The following GGA2 variants were observed in gnomAD, a reference collection of about 807,000 sequenced individuals.
GGA2 encodes the protein golgi associated, gamma adaptin ear containing, ARF binding protein 2.
GGA2 carries 48 observed loss-of-function variants against 79.5 expected under a neutral mutation model. The ratio of observed to expected loss-of-function variants is 0.60; its 90% CI spans 0.48 to 0.77. The LOEUF (loss-of-function observed/expected upper bound fraction) is 0.77. GGA2 is among the 30% of genes least tolerant of loss of function. The pLI is 0.00. For synonymous variants in GGA2, 317 were observed against 302.0 expected, an observed-to-expected ratio of 1.05 and a Z score of -0.51; for missense variants, 770 against 774.0, an observed-to-expected ratio of 0.99 and a Z score of 0.06.
intron 14 of GGA2, among the ~76,000 whole-genome samples, chr16:23,471,270 G>A (rs1964507810): frequency 6.6e-6 from 1 of 152,046 alleles, no homozygotes; most frequent in Non-Finnish European, 1.5e-5. Context: ...CAAAACTGTA[G>A]ATACCAAATC....
chr16:23,483,557 G>A (rs1238648600), intron 8 of GGA2, among the ~76,000 whole-genome samples: 3 of 152,186 alleles, frequency 2.0e-5, no homozygotes, highest in African/African-American at 7.2e-5. Flanking sequence ...CCTGCAGAAG[G>A]AGGTGGAGAA....
At chr16:23,520,075 C>T (rs1243396797) in intron 1 of GGA2, among the ~76,000 whole-genome samples, 1 of 151,940 alleles carries the variant, frequency 6.6e-6, no homozygotes, top group Non-Finnish European at 1.5e-5. Flanking sequence ...GGAGAAACCC[C>T]GTCTCTACTA....
intron 14 of GGA2, among the ~76,000 whole-genome samples, chr16:23,471,499 CTG>C (rs1434545979): frequency 6.6e-6 from 1 of 152,020 alleles, no homozygotes; most frequent in Non-Finnish European, 1.5e-5. Flanking sequence ...CTAAATGAGA[CTG>C]TAACATAACA....
intron 10 of GGA2, 111 bp from the exon 11 acceptor site, chr16:23,479,998 C>T: frequency 1.1e-6 from 1 of 951,106 alleles, no homozygotes; most frequent in South Asian, 1.6e-5. Context: ...GTAACGCCCT[C>T]CCTGCCCTTC....
chr16:23,491,804 A>G lies in GGA2; in HGVS notation c.352-4T>C, dbSNP rs376930163. On this transcript the variant is annotated splice_region_variant and splice_polypyrimidine_tract_variant and intron_variant, in intron 4 of 16. Coordinates refer to ENST00000309859, the MANE Select transcript of GGA2 (RefSeq NM_015044.4). ...CTGTGGCCCAGGACCCCAGGTACTG[A>G]AAGTAAAAAGGAAAGAGAATTCTAG... is the stretch of plus-strand genomic sequence containing the variant. The G allele has an allele frequency of 8.1e-6, 13 of 1,603,846 alleles. No individual in the cohort carries two copies. Among genetic ancestry groups the G allele is most frequent in the Admixed American group, 1.7e-5 (1 of 59,792 alleles).
rs983723930 is a variant in GGA2, at chr16:23,468,787, A to G, written c.1731+99T>C. ...CTGTGCCCAGCAAACCAGAGACTTT[A>G]GAGCAAGGCCTCAATGTGCCTCTCT... On this transcript the variant is annotated intron_variant, in intron 16 of 16. Transcript: ENST00000309859. 229 of 709,460 alleles carry G rather than the reference A, an allele frequency of 3.2e-4. 2 individuals are homozygous for G. The East Asian group carries it at 5.7e-3, about 18-fold the overall frequency. The allele number at this position is 709,460 out of a possible 1,614,324, so 43.9% of individuals were successfully genotyped here.
chr16:23,511,775 T>G (rs866858253), upstream of GGA2, among the ~76,000 whole-genome samples: 2 of 152,292 alleles, frequency 1.3e-5, no homozygotes, highest in African/African-American at 4.8e-5. Flanking sequence ...AAATATTTTA[T>G]TTAATTACAT....
rs1345460909 is a variant in GGA2 at position 23,510,340 on chromosome 16, C to A, written c.72G>T (p.Ala24=). ...ACTCACTGAGCCACAGCTCCAGCGA[C>A]GCTGCCGGGCCCGGGGGACCCTGGG... ...ESAQGPPGPA[A]SLELWLNKAT... Residue 24 remains alanine (A), a synonymous_variant, in exon 1 of 17, where the codon GCG becomes GCT. Transcript: ENST00000309859. The A allele has an allele frequency of 5.8e-5, 83 of 1,435,954 alleles. No homozygotes were observed. Among genetic ancestry groups the A allele is most frequent in the Non-Finnish European group, 7.5e-5 (82 of 1,095,424 alleles). 89.0% of individuals were successfully genotyped at this position (1,435,954 alleles called of 1,614,324 possible). A position where few individuals can be genotyped will look rare whatever the true frequency, so the allele number is the denominator to read the frequency against.
At chr16:23,519,041 CTTTTTTTTTT>C (rs368986914) in intron 2 of GGA2, among the ~76,000 whole-genome samples, 8 of 104,580 alleles carry the variant, frequency 7.6e-5, no homozygotes, top group Non-Finnish European at 1.4e-4. Context: ...CGGATACTGT[CTTTTTTTTTT>C]TTTTTTTTTT....
intron 12 of GGA2, 34 bp from the exon 13 acceptor site, chr16:23,478,535 G>A: frequency 1.2e-6 from 2 of 1,601,188 alleles, no homozygotes; most frequent in Non-Finnish European, 1.7e-6. Flanking sequence ...ATAAGACCAG[G>A]GTATGAATGA....
chr16:23,475,038 A>T lies in GGA2; in HGVS notation c.1316T>A (p.Val439Asp). ...AGTACCTGGTGGCACTTCCTTGGGG[A>T]CACTTTTCTGCGAAACATAATTCCT... ...CPLNYVSQKS[V>D]PKEVPPGTKS... The change falls in exon 14 of 17, where the codon GTC becomes GAC. Residue 439 changes from valine (V) to aspartate (D), a missense_variant. Val to Asp is a radical substitution (Grantham distance 152). Transcript: ENST00000309859. 2 of 1,585,844 alleles carry T rather than the reference A, an allele frequency of 1.3e-6. No individual in the cohort carries two copies. Among genetic ancestry groups the T allele is most frequent in the Non-Finnish European group, 1.7e-6 (2 of 1,170,974 alleles).
rs561462196 is a variant in GGA2 at position 23,509,741 on chromosome 16, C to A, written c.91+580G>T. On this transcript the variant is annotated intron_variant, in intron 1 of 16. Transcript: ENST00000309859. ...CCCGTCTCTTAAAGGAAAAAAAAAA[C>A]ACACATATATATATATACGCACACA... 2.9e-4 allele frequency among the ~76,000 whole-genome samples: 42 copies of A among 146,098 alleles called. No individual in the cohort carries two copies. In the South Asian group the frequency reaches 7.0e-3, roughly 24 times the overall value.
intron 2 of GGA2, among the ~76,000 whole-genome samples, chr16:23,519,007 C>T (rs188925907): frequency 1.3e-5 from 2 of 149,328 alleles, no homozygotes; most frequent in Non-Finnish European, 3.0e-5. Flanking sequence ...CCAAATTTGG[C>T]TATAAAAATG....
chr16:23,497,832 C>A lies in GGA2; in HGVS notation c.92-2054G>T, dbSNP rs538358188. Among the ~76,000 whole-genome samples the A allele has an allele frequency of 1.6e-3, 244 of 152,288 alleles. 2 individuals carry two copies. Among genetic ancestry groups the A allele is most frequent in the African/African-American group, 5.7e-3 (237 of 41,552 alleles). ...ACTCGCTGAGCCTCAGTTTCCTCAA[C>A]TATAAAATAAAGAAAATAGGGCCAG... On this transcript the variant is annotated intron_variant, in intron 1 of 16. Transcript: ENST00000309859.
chr16:23,518,452 A>G (rs1429906710), intron 2 of GGA2, among the ~76,000 whole-genome samples: 3 of 152,100 alleles, frequency 2.0e-5, no homozygotes, highest in Admixed American at 1.3e-4. Context: ...TGCTCAAGCA[A>G]TCCTCCCCCA....
At chr16:23,473,088 C>CAT (rs528305878) in intron 14 of GGA2, among the ~76,000 whole-genome samples, 28 of 149,274 alleles carry the variant, frequency 1.9e-4, no homozygotes, top group South Asian at 8.5e-4. Context: ...CTTAATAGTG[C>CAT]ATATATATAT....
chr16:23,467,972 T>A (rs1026235546), intron 16 of GGA2, among the ~76,000 whole-genome samples: 1 of 152,100 alleles, frequency 6.6e-6, no homozygotes, highest in Non-Finnish European at 1.5e-5. Flanking sequence ...TAGGGAGAGT[T>A]CATGTGTCCC....
intron 13 of GGA2, 132 bp downstream of exon 13, chr16:23,478,236 A>AAAAG (rs1221769817): frequency 1.9e-5 from 13 of 672,492 alleles, no homozygotes; most frequent in Admixed American, 2.9e-5. Flanking sequence ...AAAAAAAAAA[A>AAAAG]AAAGAAAGAA....
intron 8 of GGA2, among the ~76,000 whole-genome samples, chr16:23,485,542 C>A (rs538650329): frequency 6.6e-6 from 1 of 152,162 alleles, no homozygotes; most frequent in East Asian, 1.9e-4. Flanking sequence ...AAATGAAAAT[C>A]GATGTTCACA....
Sources: allele counts gnomAD v4.1 joint callset (sites outside exome capture counted in the v4.1 genomes callset), GRCh38; gene constraint gnomAD v4.1.1; transcripts MANE v1.5; gene names NCBI Gene and HGNC (gene_info 2026-07-23, HGNC 2026-07-21).